PCDHGA2: variants seen among roughly 807,000 people sequenced by gnomAD.
The protein encoded by PCDHGA2 is protocadherin gamma-A2.
Under a neutral mutation model 59.2 loss-of-function variants are expected in PCDHGA2, and 40 were observed. The observed-to-expected ratio is 0.68, with a 90% confidence interval of 0.52 to 0.88. PCDHGA2 has a LOEUF of 0.88. Ranked by LOEUF, PCDHGA2 falls within the 40% of genes least tolerant of loss-of-function variation. PCDHGA2 has a pLI of 0.00. For missense variants in PCDHGA2, 1,226 were observed against 1,204.0 expected (o/e 1.02, Z -0.27); for synonymous variants, 560 against 526.0 (o/e 1.06, Z -0.89).
At chr5:141,472,994 A>AAAG (rs2099310386) in intron 1 of PCDHGA2, among the ~76,000 whole-genome samples, 1 of 151,692 alleles carries the variant, frequency 6.6e-6, no homozygotes, top group Non-Finnish European at 1.5e-5. Flanking sequence ...AAAAAAAAAA[A>AAAG]AAAGAAAGAA....
Position 141,511,186 on chromosome 5 carries a change from G to A in PCDHGA2, c.*13G>A. 1 of 1,613,906 alleles carries A rather than the reference G, an allele frequency of 6.2e-7. No individual in the cohort carries two copies. The highest frequency in any genetic ancestry group is 8.5e-7 in the Non-Finnish European group (1 of 1,179,890). ...GGAGAAGAAGTAACATGGAGGCCAG[G>A]CCAAGAGCCACAGGGCGGCCTCTCC... On this transcript the variant is annotated 3_prime_UTR_variant, in exon 4 of 4. Transcript: ENST00000394576.
At position 141,356,528 on chromosome 5, in the gene PCDHGA2, T is replaced by C. The variant is rs755912138; in HGVS notation, c.2424+15133T>C. On this transcript the variant is annotated intron_variant, in intron 1 of 3. Transcript: ENST00000394576. ...GAAACTCATATTTCACTGCAAGTGA[T>C]GGACATCAATGACAACCCACCCACT... is the stretch of plus-strand genomic sequence containing the variant. 7.4e-6 allele frequency: 12 copies of C among 1,613,866 alleles called. 1 individual carries two copies. In the Admixed American group the frequency reaches 1.8e-4, roughly 25 times the overall value.
chr5:141,374,701 C>CA (rs1561563973), intron 1 of PCDHGA2: 1 of 1,608,962 alleles, frequency 6.2e-7, no homozygotes, highest in South Asian at 1.1e-5. Context: ...AAGGAGAAGC[C>CA]GTTTACCGCC....
At chr5:141,478,808 T>C in intron 1 of PCDHGA2, 1 of 1,459,124 alleles carries the variant, frequency 6.9e-7, no homozygotes, top group African/African-American at 1.4e-5. Flanking sequence ...TCTTTTGCTA[T>C]CACAACTAAC....
intron 1 of PCDHGA2, chr5:141,417,819 C>T: frequency 3.3e-6 from 5 of 1,513,202 alleles, no homozygotes; most frequent in Non-Finnish European, 3.5e-6. Flanking sequence ...GCACTTTCTC[C>T]AACTGGAAAA....
At chr5:141,365,177 A>G in intron 1 of PCDHGA2, 3 of 1,613,884 alleles carry the variant, frequency 1.9e-6, no homozygotes, top group Non-Finnish European at 2.5e-6. Context: ...CTCTTTTCGC[A>G]ATGAAGAAGA....
intron 1 of PCDHGA2, among the ~76,000 whole-genome samples, chr5:141,401,714 A>T (rs964631036): frequency 2.0e-5 from 3 of 152,226 alleles, no homozygotes; most frequent in Non-Finnish European, 4.4e-5. Flanking sequence ...CATTTTTAAG[A>T]CAAAAACTAC....
chr5:141,359,108 A>G (rs1202027326), intron 1 of PCDHGA2, among the ~76,000 whole-genome samples: 1 of 152,248 alleles, frequency 6.6e-6, no homozygotes, highest in Non-Finnish European at 1.5e-5. Flanking sequence ...TTGTATTCAT[A>G]GAAAGTTGTG....
rs750397953 is a variant in PCDHGA2 at position 141,409,543 on chromosome 5, C to CA, written c.2424+68150dup. 2.4e-5 allele frequency: 38 copies of CA among 1,613,884 alleles called. No individual in the cohort carries two copies. The South Asian group carries it at 4.1e-4, about 17-fold the overall frequency. On this transcript the variant is annotated intron_variant, in intron 1 of 3. Transcript: ENST00000394576. ...CCTTGTATGTCGCTGACATCAACGACAACGCCCCAGTTTTCGACCAGACGT... is the reference window on the plus strand; with the variant it reads ...CCTTGTATGTCGCTGACATCAACGACAAACGCCCCAGTTTTCGACCAGACGT...
At chr5:141,404,949 A>G in intron 1 of PCDHGA2, 1 of 1,613,834 alleles carries the variant, frequency 6.2e-7, no homozygotes, top group Non-Finnish European at 8.5e-7. Flanking sequence ...GCCATAGCTG[A>G]CAGCATCCCA....
intron 1 of PCDHGA2, chr5:141,374,359 C>T (rs1179448303): frequency 6.2e-7 from 1 of 1,614,000 alleles, no homozygotes; most frequent in Admixed American, 1.7e-5. Context: ...GGATAGACCG[C>T]GAGGAGCTCT....
At chr5:141,479,242 A>G (rs2099491093) in intron 1 of PCDHGA2, 1 of 152,320 alleles carries the variant, frequency 6.6e-6, no homozygotes, top group African/African-American at 2.4e-5. Context: ...AAACCCAAAG[A>G]TAACCATTTT....
chr5:141,431,442 TCC>T lies in PCDHGA2; in HGVS notation c.2425-63364_2425-63363del. ...CCGGTGCGCACAGGCACCGCGCGCATCCGCGTGATGGTTCTGGATGCGAACGA... is the reference window on the plus strand; with the variant it reads ...CCGGTGCGCACAGGCACCGCGCGCATGCGTGATGGTTCTGGATGCGAACGA... On this transcript the variant is annotated intron_variant, in intron 1 of 3. Transcript: ENST00000394576. This position sits in a 1 kb window ranked among gnomAD's most constrained non-coding sequence, Gnocchi z 4.8. 1 of 1,613,746 alleles carries T rather than the reference TCC, an allele frequency of 6.2e-7. No homozygotes were observed. The highest frequency in any genetic ancestry group is 1.3e-5 in the African/African-American group (1 of 75,074).
intron 1 of PCDHGA2, chr5:141,404,124 C>G: frequency 1.2e-6 from 2 of 1,613,272 alleles, no homozygotes; most frequent in Non-Finnish European, 1.7e-6. Flanking sequence ...GAGAATCTAT[C>G]TTTTACATTA....
chr5:141,384,770 G>A, intron 1 of PCDHGA2: 3 of 1,613,906 alleles, frequency 1.9e-6, no homozygotes, highest in Non-Finnish European at 2.5e-6. Flanking sequence ...CTGTACACGG[G>A]CGAGGTGCGC....
Position 141,338,793 on chromosome 5 carries a change from G to C in PCDHGA2, c.-179G>C. On this transcript the variant is annotated 5_prime_UTR_variant, in exon 1 of 4. Coordinates refer to ENST00000394576, the MANE Select transcript of PCDHGA2 (RefSeq NM_018915.4). ...AATACGGCTCCCACAGCACAAGGGG[G>C]TGGAGGTTTGGCCCTAAAGCTTCAG... The C allele has an allele frequency of 7.4e-7, 1 of 1,355,120 alleles. No individual in the cohort carries two copies. Among genetic ancestry groups the C allele is most frequent in the Non-Finnish European group, 9.4e-7 (1 of 1,059,238 alleles). The allele number at this position is 1,355,120 out of a possible 1,614,324, so 83.9% of individuals were successfully genotyped here.
intron 3 of PCDHGA2, among the ~76,000 whole-genome samples, chr5:141,508,943 CAG>C (rs1562237475): frequency 1.3e-5 from 2 of 151,982 alleles, no homozygotes; most frequent in Admixed American, 6.6e-5. Context: ...TTAGGGAAAA[CAG>C]AGAAATGTCA....
intron 1 of PCDHGA2, among the ~76,000 whole-genome samples, chr5:141,482,274 G>A (rs1219523359): frequency 6.6e-6 from 1 of 152,094 alleles, no homozygotes; most frequent in Non-Finnish European, 1.5e-5. Flanking sequence ...TTTAGCTTAG[G>A]TAAGTCTTTT....
intron 1 of PCDHGA2, chr5:141,361,497 G>C: frequency 6.2e-7 from 1 of 1,614,042 alleles, no homozygotes; most frequent in Non-Finnish European, 8.5e-7. Flanking sequence ...TTTTCCAACA[G>C]ACTTCCTACA....
Sources: allele counts gnomAD v4.1 joint callset (sites outside exome capture counted in the v4.1 genomes callset), GRCh38; gene constraint gnomAD v4.1.1; non-coding constraint Gnocchi (gnomAD v3.1); transcripts MANE v1.5; gene names NCBI Gene and HGNC (gene_info 2026-07-23, HGNC 2026-07-21).